NUP85: variants seen among roughly 807,000 people sequenced by gnomAD.
The protein encoded by NUP85 is nuclear pore complex protein Nup85.
NUP85 carries 23 observed loss-of-function variants against 92.8 expected under a neutral mutation model. That is an observed-to-expected ratio of 0.25 (90% confidence interval 0.18 to 0.35). The LOEUF (loss-of-function observed/expected upper bound fraction) is 0.35, where lower values mean the gene tolerates loss of function less well. NUP85 is among the 10% of genes least tolerant of loss of function. NUP85 has a pLI of 1.00. For synonymous variants in NUP85, 314 were observed against 306.9 expected (o/e 1.02, Z -0.24); for missense variants, 759 against 822.8 (o/e 0.92, Z 0.95).
chr17:75,212,137 A>T, intron 4 of NUP85, 75 bp downstream of exon 4: 1 of 1,004,352 alleles, frequency 1.0e-6, no homozygotes, highest in South Asian at 1.5e-5. Context: ...ATCTATGCAT[A>T]AATACTGTGA....
At chr17:75,218,620 C>T (rs1057394579) in intron 7 of NUP85, among the ~76,000 whole-genome samples, 1 of 80,480 alleles carries the variant, frequency 1.2e-5, no homozygotes. Context: ...GACAGGGTCT[C>T]GGCTGGGTGC....
intron 7 of NUP85, among the ~76,000 whole-genome samples, chr17:75,218,712 C>G (rs778686904): frequency 3.5e-5 from 5 of 144,116 alleles, no homozygotes; most frequent in African/African-American, 5.1e-5. Flanking sequence ...TGAGATTAGC[C>G]TGGGCAACAA....
intron 5 of NUP85, among the ~76,000 whole-genome samples, chr17:75,215,318 T>C (rs2075397390): frequency 6.6e-6 from 1 of 152,210 alleles, no homozygotes; most frequent in Non-Finnish European, 1.5e-5. Context: ...CAAGTGATGC[T>C]CCCACCTCAG....
At chr17:75,227,205 G>A (rs536536719) in intron 11 of NUP85, among the ~76,000 whole-genome samples, 1 of 151,970 alleles carries the variant, frequency 6.6e-6, no homozygotes, top group Admixed American at 6.6e-5. Flanking sequence ...ATCTGGGCAT[G>A]GGAAGAGTTT....
chr17:75,233,173 T>G lies in NUP85; in HGVS notation c.1615+15T>G. 6.2e-7 allele frequency: 1 copy of G among 1,612,104 alleles called. No individual in the cohort carries two copies. Among genetic ancestry groups the G allele is most frequent in the African/African-American group, 1.3e-5 (1 of 74,992 alleles). Reference sequence around the variant, plus strand: ...GACATTCCTGGGTGAGTCTCTGGGTTTTGTGCCCTGTGCTTTGGGCACAAG... The same window carrying G: ...GACATTCCTGGGTGAGTCTCTGGGTGTTGTGCCCTGTGCTTTGGGCACAAG... On this transcript the variant is annotated intron_variant, in intron 16 of 18. Transcript: ENST00000245544.
At chr17:75,223,320 G>C (rs980486734) in intron 7 of NUP85, among the ~76,000 whole-genome samples, 1 of 152,168 alleles carries the variant, frequency 6.6e-6, no homozygotes, top group Non-Finnish European at 1.5e-5. Flanking sequence ...ATAAATTTTA[G>C]TGAGTAGGCA....
At position 75,235,704 on chromosome 17, in the gene NUP85, G is replaced by C. The variant is rs539994325; in HGVS notation, c.*25G>C. ...AGAACTGCTTCAATGTGGTATCTTT[G>C]TATGGCAATGTATATAGATTTTTTT... On this transcript the variant is annotated 3_prime_UTR_variant, in exon 19 of 19. Transcript: ENST00000245544. 6.9e-7 allele frequency: 1 copy of C among 1,453,544 alleles called. No homozygotes were observed. The highest frequency in any genetic ancestry group is 9.6e-7 in the Non-Finnish European group (1 of 1,046,690). The allele number at this position is 1,453,544 out of a possible 1,614,324, so 90.0% of individuals were successfully genotyped here. A position where few individuals can be genotyped will look rare whatever the true frequency, so the allele number is the denominator to read the frequency against.
intron 16 of NUP85, among the ~76,000 whole-genome samples, chr17:75,233,425 CTTTTATTT>C (rs2076171100): frequency 2.2e-5 from 2 of 89,324 alleles, no homozygotes; most frequent in South Asian, 4.1e-4. Flanking sequence ...TTCTTCTTTT[CTTTTATTT>C]TTTCTTTTTT....
intron 16 of NUP85, among the ~76,000 whole-genome samples, chr17:75,234,107 A>C (rs2076225724): frequency 6.9e-6 from 1 of 144,718 alleles, no homozygotes; most frequent in Non-Finnish European, 1.5e-5. Flanking sequence ...GCTGGAGTGC[A>C]GTGGTACAAT....
intron 5 of NUP85, among the ~76,000 whole-genome samples, chr17:75,214,228 A>G (rs1024864994): frequency 4.6e-5 from 7 of 152,118 alleles, no homozygotes; most frequent in Non-Finnish European, 8.8e-5. Context: ...TCCTCAGTAG[A>G]TGCTTCATAT....
rs774527716 is a variant in NUP85 at position 75,232,117 on chromosome 17, G to A, written c.1396+138G>A. On this transcript the variant is annotated intron_variant, in intron 14 of 18. Transcript: ENST00000245544. ...GACGTGGGGCTGTGGACGCCAAGAG[G>A]TAAACTAAGAGATGGGATAATTACT... 4.3e-4 allele frequency: 365 copies of A among 842,508 alleles called. 7 individuals are homozygous for A. In the South Asian group the frequency reaches 5.0e-3, roughly 12 times the overall value. The allele number at this position is 842,508 out of a possible 1,614,324, so 52.2% of individuals were successfully genotyped here.
intron 11 of NUP85, among the ~76,000 whole-genome samples, chr17:75,230,191 C>T (rs747593784): frequency 2.6e-5 from 4 of 151,848 alleles, no homozygotes; most frequent in Admixed American, 6.6e-5. Flanking sequence ...CACAGGCACA[C>T]GCCACCACGC....
intron 14 of NUP85, 117 bp downstream of exon 14, chr17:75,232,096 T>A: frequency 9.2e-7 from 1 of 1,091,904 alleles, no homozygotes; most frequent in Non-Finnish European, 1.3e-6. Flanking sequence ...ACTGGAGACG[T>A]GGGGCTGTGG....
chr17:75,209,772 T>C, intron 2 of NUP85, 51 bp from the exon 3 acceptor site: 1 of 1,481,128 alleles, frequency 6.8e-7, no homozygotes, highest in South Asian at 1.3e-5. Flanking sequence ...AGATTCACTT[T>C]TGGAGATGAT....
Position 75,231,273 on chromosome 17 carries a change from C to T in NUP85, c.1095-67C>T, listed in dbSNP as rs1480045897. ...CAGGACATGTGGGGTTTCTTGCTCACCCCCACTCTTGTGGGACGCGGCCTG... is the reference window on the plus strand; with the variant it reads ...CAGGACATGTGGGGTTTCTTGCTCATCCCCACTCTTGTGGGACGCGGCCTG... On this transcript the variant is annotated intron_variant, in intron 11 of 18. Transcript: ENST00000245544. This position sits in a 1 kb window ranked among gnomAD's most constrained non-coding sequence, Gnocchi z 4.6. The T allele has an allele frequency of 6.8e-6, 10 of 1,459,856 alleles. No individual in the cohort carries two copies. The South Asian group carries it at 9.1e-5, about 13-fold the overall frequency. The allele number at this position is 1,459,856 out of a possible 1,614,324, so 90.4% of individuals were successfully genotyped here.
chr17:75,205,918 T>G (rs920303199), intron 1 of NUP85, 124 bp downstream of exon 1: 1 of 1,145,440 alleles, frequency 8.7e-7, no homozygotes, highest in Non-Finnish European at 1.3e-6. Flanking sequence ...TCGACTCAGT[T>G]GCCACTTTTC....
intron 5 of NUP85, 61 bp downstream of exon 5, chr17:75,213,180 T>C (rs2075325747): frequency 6.5e-7 from 1 of 1,531,204 alleles, no homozygotes; most frequent in Non-Finnish European, 9.0e-7. Flanking sequence ...GGCACCCACC[T>C]GGGGTGGCTT....
chr17:75,235,256 CTA>C, intron 18 of NUP85, 55 bp downstream of exon 18: 1 of 1,285,344 alleles, frequency 7.8e-7, no homozygotes, highest in Non-Finnish European at 1.1e-6. Flanking sequence ...AAGGCTCCCT[CTA>C]TCTCAGGCTT....
At chr17:75,213,446 C>T (rs999538270) in intron 5 of NUP85, among the ~76,000 whole-genome samples, 14 of 151,354 alleles carry the variant, frequency 9.2e-5, no homozygotes, top group Non-Finnish European at 2.9e-5. Context: ...GCATGCCACA[C>T]CAAGCCCAGC....
Sources: allele counts gnomAD v4.1 joint callset (sites outside exome capture counted in the v4.1 genomes callset), GRCh38; gene constraint gnomAD v4.1.1; non-coding constraint Gnocchi (gnomAD v3.1); transcripts MANE v1.5; gene names NCBI Gene and HGNC (gene_info 2026-07-23, HGNC 2026-07-21).